The following SYT9 variants were observed in gnomAD, a reference collection of about 807,000 sequenced individuals.
SYT9 encodes synaptotagmin-9.
Under a neutral mutation model 48.4 loss-of-function variants are expected in SYT9, and 22 were observed. The ratio of observed to expected loss-of-function variants is 0.45; its 90% confidence interval spans 0.32 to 0.65. The LOEUF (loss-of-function observed/expected upper bound fraction) is 0.65. SYT9 is among the 30% of genes least tolerant of loss of function. SYT9 has a pLI of 0.03. For missense variants in SYT9, 577 were observed against 622.0 expected (o/e 0.93, Z 0.77); for synonymous variants, 265 against 245.0 (o/e 1.08, Z -0.76).
chr11:7,252,699 T>C lies in SYT9; in HGVS notation c.145+368T>C, dbSNP rs1847896383. On this transcript the variant is annotated intron_variant, in intron 1 of 6. Transcript: ENST00000318881. The surrounding 1 kb of genome is among the most constrained non-coding windows in gnomAD (Gnocchi z 6.3). The stretch of plus-strand genomic sequence containing the variant: ...GGAGGCCGCGGCGGCCTCGGAGCCG[T>C]GGGAAGGGGGACGAGGCCGAAGGAA... 2.0e-5 allele frequency among the ~76,000 whole-genome samples: 3 copies of C among 151,990 alleles called. No individual in the cohort carries two copies. The highest frequency in any genetic ancestry group is 7.3e-5 in the African/African-American group (3 of 41,372).
At chr11:7,269,788 TA>T (rs1848261385) in intron 1 of SYT9, among the ~76,000 whole-genome samples, 1 of 152,220 alleles carries the variant, frequency 6.6e-6, no homozygotes, top group African/African-American at 2.4e-5. Flanking sequence ...TTTAGCTTGA[TA>T]AATTGTCACT....
intron 3 of SYT9, among the ~76,000 whole-genome samples, chr11:7,357,843 T>C (rs948423733): frequency 6.6e-6 from 1 of 152,090 alleles, no homozygotes; most frequent in African/African-American, 2.4e-5. Context: ...CTGCATTGCA[T>C]TTATATATTA....
chr11:7,348,970 TG>T (rs907982413), intron 3 of SYT9, among the ~76,000 whole-genome samples: 2 of 151,666 alleles, frequency 1.3e-5, no homozygotes, highest in African/African-American at 2.4e-5. Context: ...CTAGGCGGGC[TG>T]GGGGTGGGAA....
intron 6 of SYT9, chr11:7,439,305 T>C (rs551321189): frequency 6.6e-6 from 1 of 152,312 alleles, no homozygotes; most frequent in East Asian, 1.9e-4. Flanking sequence ...ATTTAAACCT[T>C]CTGGGAAACT....
chr11:7,403,576 G>A (rs563902851), intron 3 of SYT9, among the ~76,000 whole-genome samples: 2 of 152,008 alleles, frequency 1.3e-5, no homozygotes, highest in Admixed American at 6.6e-5. Context: ...GAGAGAGAGA[G>A]AGAGACACAC....
At chr11:7,287,687 C>T (rs537353424) in intron 1 of SYT9, among the ~76,000 whole-genome samples, 1 of 152,284 alleles carries the variant, frequency 6.6e-6, no homozygotes, top group South Asian at 2.1e-4. Context: ...TTACTCATAA[C>T]CTGGCTATTG....
chr11:7,311,066 G>A (rs1849124299), intron 2 of SYT9, among the ~76,000 whole-genome samples: 3 of 152,178 alleles, frequency 2.0e-5, no homozygotes, highest in Admixed American at 2.0e-4. Flanking sequence ...ACTTTGGGAG[G>A]CTAAGTTGGG....
At chr11:7,368,732 T>C (rs7123592) in intron 3 of SYT9, among the ~76,000 whole-genome samples, 3,273 of 152,298 alleles carry the variant, frequency 0.021, 111 homozygotes, top group African/African-American at 0.075. Flanking sequence ...CCATGGTGTA[T>C]ATGTGCCACA....
At chr11:7,403,528 G>A (rs191933359) in intron 3 of SYT9, among the ~76,000 whole-genome samples, 2 of 151,918 alleles carry the variant, frequency 1.3e-5, no homozygotes, top group Admixed American at 6.6e-5. Flanking sequence ...CTCCAGTCTG[G>A]GCAACAAAGC....
intron 2 of SYT9, among the ~76,000 whole-genome samples, chr11:7,312,754 A>G (rs1439556010): frequency 6.6e-6 from 1 of 152,230 alleles, no homozygotes; most frequent in African/African-American, 2.4e-5. Flanking sequence ...CTTGATCACT[A>G]ATCACCCATG....
intron 3 of SYT9, among the ~76,000 whole-genome samples, chr11:7,327,981 G>A (rs186284256): frequency 0.013 from 1,618 of 123,018 alleles, 35 homozygotes; most frequent in African/African-American, 0.044. Context: ...TAGATGACGA[G>A]TTAGTGGGTG....
intron 3 of SYT9, among the ~76,000 whole-genome samples, chr11:7,336,915 A>G (rs151113833): frequency 6.6e-6 from 1 of 152,306 alleles, no homozygotes; most frequent in African/African-American, 2.4e-5. Context: ...TAGGAATAGC[A>G]TTGGATCTTT....
chr11:7,276,934 A>G (rs1848406294), intron 1 of SYT9, among the ~76,000 whole-genome samples: 2 of 151,870 alleles, frequency 1.3e-5, no homozygotes, highest in East Asian at 1.9e-4. Flanking sequence ...GGCGCCTGTA[A>G]TCCCAGCTAC....
intron 3 of SYT9, among the ~76,000 whole-genome samples, chr11:7,354,776 G>C (rs1001991940): frequency 2.6e-5 from 4 of 152,072 alleles, no homozygotes; most frequent in African/African-American, 9.7e-5. Context: ...GTCAGCTTTT[G>C]GAGTGCAGGG....
At chr11:7,391,415 T>A (rs969738706) in intron 3 of SYT9, among the ~76,000 whole-genome samples, 1 of 152,164 alleles carries the variant, frequency 6.6e-6, no homozygotes, top group Non-Finnish European at 1.5e-5. Context: ...TAATTTAGAT[T>A]GCAACCAACA....
At chr11:7,296,772 T>C (rs557783667) in intron 1 of SYT9, among the ~76,000 whole-genome samples, 1 of 152,318 alleles carries the variant, frequency 6.6e-6, no homozygotes, top group East Asian at 1.9e-4. Flanking sequence ...AATTGTGGCA[T>C]GAATTGTTCT....
At chr11:7,381,292 G>A (rs1443307953) in intron 3 of SYT9, among the ~76,000 whole-genome samples, 3 of 152,168 alleles carry the variant, frequency 2.0e-5, no homozygotes, top group Admixed American at 2.0e-4. Context: ...GGTATCATCT[G>A]CTTTTAATGA....
At chr11:7,445,039 CT>C (rs1847902103) in intron 6 of SYT9, among the ~76,000 whole-genome samples, 1 of 152,172 alleles carries the variant, frequency 6.6e-6, no homozygotes, top group South Asian at 2.1e-4. Context: ...CACTTTCTGG[CT>C]TTGCCATTTT....
intron 1 of SYT9, among the ~76,000 whole-genome samples, chr11:7,278,548 T>C (rs1251686304): frequency 6.6e-6 from 1 of 152,192 alleles, no homozygotes; most frequent in Non-Finnish European, 1.5e-5. Flanking sequence ...TCATTCCCAC[T>C]GCAAAGAGCA....
Sources: gnomAD v4.1 joint callset for allele counts (sites outside exome capture counted in the v4.1 genomes callset) on GRCh38, gnomAD v4.1.1 for gene constraint, Gnocchi (gnomAD v3.1) non-coding constraint, MANE v1.5 for transcripts, NCBI Gene and HGNC (gene_info 2026-07-23, HGNC 2026-07-21) for gene names.